The following FTCDNL1 variants were observed in gnomAD, a reference collection of about 807,000 sequenced individuals.
FTCDNL1 encodes formiminotransferase N-terminal subdomain-containing protein.
In FTCDNL1, 11 loss-of-function variants were observed where a neutral mutation model predicts 5.9. The observed-to-expected ratio is 1.87, with a 90% confidence interval of 1.18 to 3.10. The LOEUF is 3.10. Among genes scored for constraint, FTCDNL1 ranks in the 30% most tolerant of loss-of-function variants. The pLI is 0.00. For synonymous variants in FTCDNL1, 58 were observed against 24.8 expected, an observed-to-expected ratio of 2.34 and a Z score of -3.99; for missense variants, 115 against 65.5, an observed-to-expected ratio of 1.76 and a Z score of -2.61.
At chr2:199,747,837 A>G in the FTCDNL1 span, among the ~76,000 whole-genome samples, 7 of 152,178 alleles carry the variant, frequency 4.6e-5, no homozygotes, top group African/African-American at 1.7e-4. Flanking sequence ...AATTTATACA[A>G]GAAAAGAACA....
chr2:199,836,153 T>C (rs1272747604), intron 3 of FTCDNL1, among the ~76,000 whole-genome samples: 1 of 152,150 alleles, frequency 6.6e-6, no homozygotes, highest in East Asian at 1.9e-4. Flanking sequence ...CTTGTTGATA[T>C]TTCTTTTTCT....
the FTCDNL1 span, among the ~76,000 whole-genome samples, chr2:199,714,802 A>C: frequency 6.6e-6 from 1 of 152,020 alleles, no homozygotes; most frequent in African/African-American, 2.4e-5. Flanking sequence ...AGAAACACAG[A>C]CACTGCAGTC....
At position 199,791,048 on chromosome 2, in the gene FTCDNL1, T is replaced by G. The variant is rs1699900235; in HGVS notation, c.212-30213A>C. On this transcript the variant is annotated intron_variant, in intron 3 of 3. Coordinates refer to the FTCDNL1 transcript ENST00000416668. ...CATAGAACAAAAAATGGAAGCAAAG[T>G]GATTAAATTATGACCCATTTACAAC... 2.0e-5 allele frequency among the ~76,000 whole-genome samples: 3 copies of G among 152,178 alleles called. No homozygotes were observed. The South Asian group carries it at 6.2e-4, about 32-fold the overall frequency.
the FTCDNL1 span, among the ~76,000 whole-genome samples, chr2:199,671,268 C>T: frequency 2.6e-5 from 4 of 151,586 alleles, no homozygotes; most frequent in Non-Finnish European, 5.9e-5. Flanking sequence ...CTTGTAGAGG[C>T]CTAAGCACCA....
At chr2:199,722,445 G>A in the FTCDNL1 span, among the ~76,000 whole-genome samples, 245 of 152,116 alleles carry the variant, frequency 1.6e-3, 1 homozygote, top group African/African-American at 4.7e-3. Flanking sequence ...GTAGATGTGC[G>A]GTCTAATCTC....
At chr2:199,681,893 G>T in the FTCDNL1 span, among the ~76,000 whole-genome samples, 2 of 132,658 alleles carry the variant, frequency 1.5e-5, no homozygotes, top group South Asian at 5.8e-4. Context: ...TCTAACTATG[G>T]ACTGCTCCAA....
chr2:199,738,456 G>A, the FTCDNL1 span, among the ~76,000 whole-genome samples: 1 of 152,144 alleles, frequency 6.6e-6, no homozygotes. Flanking sequence ...TATATTACAA[G>A]CAAGGGTGAA....
the FTCDNL1 span, among the ~76,000 whole-genome samples, chr2:199,684,763 C>T: frequency 6.6e-6 from 1 of 152,164 alleles, no homozygotes; most frequent in African/African-American, 2.4e-5. Flanking sequence ...TCAAAGTCAC[C>T]TATAATCTTC....
intron 3 of FTCDNL1, among the ~76,000 whole-genome samples, chr2:199,822,558 A>G (rs537845859): frequency 1.1e-3 from 172 of 152,320 alleles, no homozygotes; most frequent in Non-Finnish European, 2.0e-3. Context: ...ATTTGTTAAA[A>G]TAAGACCACA....
At chr2:199,705,537 A>G in the FTCDNL1 span, among the ~76,000 whole-genome samples, 2 of 152,274 alleles carry the variant, frequency 1.3e-5, no homozygotes, top group Non-Finnish European at 2.9e-5. Flanking sequence ...CTTTATAATC[A>G]TCTGTAAATA....
chr2:199,824,951 A>G (rs1198642553), intron 3 of FTCDNL1, among the ~76,000 whole-genome samples: 2 of 152,134 alleles, frequency 1.3e-5, no homozygotes, highest in African/African-American at 2.4e-5. Context: ...CAACCTGGGC[A>G]TCATGGTGAA....
intron 3 of FTCDNL1, among the ~76,000 whole-genome samples, chr2:199,825,005 G>T (rs1262858522): frequency 6.6e-6 from 1 of 151,902 alleles, no homozygotes; most frequent in Non-Finnish European, 1.5e-5. Context: ...TGGCATGGTG[G>T]CATACACTTG....
intron 3 of FTCDNL1, among the ~76,000 whole-genome samples, chr2:199,799,894 T>G (rs1316251167): frequency 6.6e-6 from 1 of 152,190 alleles, no homozygotes; most frequent in Non-Finnish European, 1.5e-5. Flanking sequence ...AAGAAGCTGC[T>G]CTAAGGTGCC....
At chr2:199,774,784 A>G (rs71424235) in intron 3 of FTCDNL1, among the ~76,000 whole-genome samples, 11,074 of 152,208 alleles carry the variant, frequency 0.073, 521 homozygotes, top group East Asian at 0.2. Flanking sequence ...CCTTGATCAC[A>G]GAGATAAGAA....
rs1247908464 is a variant in FTCDNL1 at position 199,810,593 on chromosome 2, T to C, written c.*2112A>G. Among the ~76,000 whole-genome samples, 1 of 152,208 alleles carries C rather than the reference T, an allele frequency of 6.6e-6. No homozygotes were observed. Among genetic ancestry groups the C allele is most frequent in the East Asian group, 1.9e-4 (1 of 5,192 alleles). Reference sequence around the variant, plus strand: ...AGCTCAGGGGCAAATGTCCCGCCTTTCCCTGTCTCAGGGATGGTGCGGCTC... The same window carrying C: ...AGCTCAGGGGCAAATGTCCCGCCTTCCCCTGTCTCAGGGATGGTGCGGCTC... On this transcript the variant is annotated 3_prime_UTR_variant, in exon 5 of 5. Transcript: ENST00000420128.
chr2:199,838,451 A>C (rs527940567), intron 3 of FTCDNL1, among the ~76,000 whole-genome samples: 4 of 152,330 alleles, frequency 2.6e-5, no homozygotes, highest in Admixed American at 2.6e-4. Flanking sequence ...GGTATAAAGA[A>C]ATTTTTTTCC....
the FTCDNL1 span, among the ~76,000 whole-genome samples, chr2:199,706,755 T>G: frequency 1.3e-5 from 2 of 152,214 alleles, no homozygotes; most frequent in Non-Finnish European, 2.9e-5. Context: ...CCGCTGAAGT[T>G]TCTTCTTTTC....
At chr2:199,731,806 A>T in the FTCDNL1 span, among the ~76,000 whole-genome samples, 41,113 of 150,288 alleles carry the variant, frequency 0.27, 7,183 homozygotes, top group African/African-American at 0.49. Context: ...GAGAATGGCG[A>T]GAACCCGGGA....
the FTCDNL1 span, among the ~76,000 whole-genome samples, chr2:199,734,789 C>T: frequency 6.6e-6 from 1 of 152,030 alleles, no homozygotes; most frequent in East Asian, 1.9e-4. Flanking sequence ...CACTGATCTC[C>T]CAGACAATGA....
Sources: gnomAD v4.1 joint callset for allele counts (sites outside exome capture counted in the v4.1 genomes callset) on GRCh38, gnomAD v4.1.1 for gene constraint, MANE v1.5 for transcripts, NCBI Gene and HGNC (gene_info 2026-07-23, HGNC 2026-07-21) for gene names.